The following COG5 variants were observed in gnomAD, a reference collection of about 807,000 sequenced individuals.
The protein encoded by COG5 is component of oligomeric golgi complex 5, also known as conserved oligomeric Golgi complex subunit 5.
Under a neutral mutation model 110.4 loss-of-function variants are expected in COG5, and 86 were observed. The observed-to-expected ratio is 0.78, with a 90% CI of 0.65 to 0.93. The LOEUF is 0.93. COG5 is among the 40% of genes least tolerant of loss of function. COG5 has a pLI of 0.00. For missense variants in COG5, 1,077 were observed against 987.0 expected, an observed-to-expected ratio of 1.09 and a Z score of -1.22; for synonymous variants, 360 against 334.6, an observed-to-expected ratio of 1.08 and a Z score of -0.83.
intron 7 of COG5, among the ~76,000 whole-genome samples, chr7:107,377,658 C>T (rs530400397): frequency 6.6e-6 from 1 of 152,300 alleles, no homozygotes; most frequent in South Asian, 2.1e-4. Flanking sequence ...AATTATCTAA[C>T]CTCTTTAAGG....
chr7:107,269,344 G>A (rs547807666), intron 14 of COG5, among the ~76,000 whole-genome samples: 8 of 151,952 alleles, frequency 5.3e-5, no homozygotes, highest in East Asian at 1.9e-4. Flanking sequence ...GTGTGGTGGC[G>A]GACGCCTGTA....
chr7:107,434,597 TAA>T lies in COG5; in HGVS notation c.539-21967_539-21966del, dbSNP rs754737744. Among the ~76,000 whole-genome samples, 6 of 151,394 alleles carry T rather than the reference TAA, an allele frequency of 4.0e-5. No homozygotes were observed. The East Asian group carries it at 7.7e-4, about 20-fold the overall frequency. On this transcript the variant is annotated intron_variant, in intron 6 of 21. Transcript: ENST00000297135. The stretch of plus-strand genomic sequence containing the variant: ...AAACCTATTGAAATAAAAAATAAAT[TAA>T]GAGATAAAATTTTAAAAAAAGATAA...
intron 10 of COG5, among the ~76,000 whole-genome samples, chr7:107,335,125 G>GT (rs1237709591): frequency 3.9e-5 from 6 of 152,138 alleles, no homozygotes; most frequent in Non-Finnish European, 8.8e-5. Flanking sequence ...AGTTTTTAAA[G>GT]TTTTTTCTTT....
intron 6 of COG5, among the ~76,000 whole-genome samples, chr7:107,512,313 A>C (rs1482482894): frequency 2.0e-5 from 3 of 152,220 alleles, no homozygotes; most frequent in Non-Finnish European, 4.4e-5. Flanking sequence ...CAAAGAGAAT[A>C]AAATACCTAG....
intron 5 of COG5, among the ~76,000 whole-genome samples, chr7:107,528,948 T>C (rs1800973357): frequency 7.1e-6 from 1 of 141,546 alleles, no homozygotes; most frequent in Non-Finnish European, 1.5e-5. Flanking sequence ...TACAAACACA[T>C]GTAAGTCAAA....
chr7:107,562,064 G>C (rs1803835592), intron 1 of COG5, among the ~76,000 whole-genome samples: 1 of 152,192 alleles, frequency 6.6e-6, no homozygotes, highest in African/African-American at 2.4e-5. Flanking sequence ...TGCAACAGAT[G>C]GTTATACGTT....
intron 2 of COG5, among the ~76,000 whole-genome samples, chr7:107,557,060 C>T (rs1443504032): frequency 6.6e-6 from 1 of 152,120 alleles, no homozygotes; most frequent in South Asian, 2.1e-4. Context: ...TAAGCCACTG[C>T]GCCCGGCCTA....
rs1309195036 is a variant in COG5 at position 107,283,560 on chromosome 7, A to G, written c.1475+11T>C. On this transcript the variant is annotated intron_variant, in intron 13 of 21. Transcript: ENST00000297135. ...CATCTTATGGCAAGCCACTATATAA[A>G]AAATACATACCTTGCTATAGTTTTA... 2 of 1,611,692 alleles carry G rather than the reference A, an allele frequency of 1.2e-6. No homozygotes were observed. Among genetic ancestry groups the G allele is most frequent in the African/African-American group, 2.7e-5 (2 of 74,880 alleles).
Position 107,362,096 on chromosome 7 carries a change from T to C in COG5, c.963A>G (p.Gln321=), listed in dbSNP as rs375846157. The change falls in exon 10 of 22, where the codon CAA becomes CAG. Residue 321 remains glutamine, a synonymous_variant. Coordinates refer to ENST00000297135, the MANE Select transcript of COG5 (RefSeq NM_006348.5). ...YAVCGQVQHL[Q]KVLAKKRDPV... The stretch of plus-strand genomic sequence containing the variant: ...GATCTCTCTTCTTGGCCAATACTTT[T>C]TGTAGATGTTGTACCTTAAATGAAA... The C allele has an allele frequency of 8.7e-6, 14 of 1,606,554 alleles. No individual in the cohort carries two copies. Among genetic ancestry groups the C allele is most frequent in the Admixed American group, 3.4e-5 (2 of 59,670 alleles).
intron 21 of COG5, among the ~76,000 whole-genome samples, chr7:107,204,770 A>G (rs1183159927): frequency 2.6e-5 from 4 of 152,136 alleles, no homozygotes; most frequent in East Asian, 1.9e-4. Context: ...AGGGATTTCA[A>G]ATCTCTTAAG....
intron 8 of COG5, among the ~76,000 whole-genome samples, chr7:107,371,469 TAATA>T (rs1446169308): frequency 1.3e-5 from 2 of 152,074 alleles, no homozygotes; most frequent in East Asian, 1.9e-4. Context: ...AATTAAAAAT[TAATA>T]AATAGCCACT....
intron 10 of COG5, among the ~76,000 whole-genome samples, chr7:107,329,902 A>G (rs1022991201): frequency 5.9e-5 from 9 of 152,198 alleles, no homozygotes; most frequent in African/African-American, 1.9e-4. Context: ...CTTTAAGAAA[A>G]CAAAAACAAA....
intron 6 of COG5, among the ~76,000 whole-genome samples, chr7:107,439,954 T>C (rs917687962): frequency 3.3e-5 from 5 of 152,224 alleles, no homozygotes; most frequent in Non-Finnish European, 7.3e-5. Context: ...ATCATTGTAA[T>C]CGACACACTG....
rs1281247933 is a variant in COG5, at chr7:107,542,175, T to C, written c.417+5936A>G. 3.3e-5 allele frequency among the ~76,000 whole-genome samples: 5 copies of C among 152,056 alleles called. No homozygotes were observed. The East Asian group carries it at 9.6e-4, about 29-fold the overall frequency. ...AACTAACCATAAAAGAAAAATTAGATAAATTTAACTTCTCTCCAACAACAG... is the reference window on the plus strand; with the variant it reads ...AACTAACCATAAAAGAAAAATTAGACAAATTTAACTTCTCTCCAACAACAG... On this transcript the variant is annotated intron_variant, in intron 5 of 21. Coordinates refer to ENST00000297135, the MANE Select transcript of COG5 (RefSeq NM_006348.5).
chr7:107,400,946 A>G (rs73417414), intron 7 of COG5, among the ~76,000 whole-genome samples: 3,605 of 152,238 alleles, frequency 0.024, 145 homozygotes, highest in African/African-American at 0.081. Context: ...GACAGAGAGA[A>G]AAAGAGTAGG....
chr7:107,440,678 A>G (rs957482886), intron 6 of COG5, among the ~76,000 whole-genome samples: 9 of 152,134 alleles, frequency 5.9e-5, no homozygotes, highest in African/African-American at 2.2e-4. Flanking sequence ...TCAATCACCA[A>G]TGGCTAATGA....
chr7:107,350,062 T>C (rs973387817), intron 10 of COG5, among the ~76,000 whole-genome samples: 12 of 152,218 alleles, frequency 7.9e-5, no homozygotes, highest in African/African-American at 1.7e-4. Context: ...ATATTTCCAG[T>C]TTGCCTAGAA....
intron 6 of COG5, among the ~76,000 whole-genome samples, chr7:107,509,464 A>G (rs1294060853): frequency 6.6e-6 from 1 of 152,204 alleles, no homozygotes; most frequent in Non-Finnish European, 1.5e-5. Flanking sequence ...ACCAAGTTGG[A>G]AAACACTCTG....
At chr7:107,212,059 T>A (rs373507723) in intron 19 of COG5, among the ~76,000 whole-genome samples, 1 of 152,220 alleles carries the variant, frequency 6.6e-6, no homozygotes, top group Non-Finnish European at 1.5e-5. Flanking sequence ...ACTCTAATTA[T>A]GAATGAAGGC....
Sources: gnomAD v4.1 joint callset for allele counts (sites outside exome capture counted in the v4.1 genomes callset) on GRCh38, gnomAD v4.1.1 for gene constraint, MANE v1.5 for transcripts, NCBI Gene and HGNC (gene_info 2026-07-23, HGNC 2026-07-21) for gene names.